Variants in CRACD observed in about 807,000 individuals in gnomAD.
CRACD encodes the protein capping protein inhibiting regulator of actin dynamics, also known as capping protein-inhibiting regulator of actin dynamics.
CRACD carries 56 observed loss-of-function variants against 106.8 expected under a neutral mutation model. That is an observed-to-expected ratio of 0.52 (90% CI 0.42 to 0.66). CRACD has a LOEUF of 0.66. CRACD is among the 30% of genes least tolerant of loss of function. CRACD has a pLI of 0.00. For missense variants in CRACD, 1,730 were observed against 1,623.2 expected, an observed-to-expected ratio of 1.07 and a Z score of -1.13; for synonymous variants, 754 against 670.8, an observed-to-expected ratio of 1.12 and a Z score of -1.92.
intron 1 of CRACD, among the ~76,000 whole-genome samples, chr4:56,134,665 C>T (rs564612759): frequency 1.3e-5 from 2 of 152,092 alleles, no homozygotes; most frequent in Non-Finnish European, 2.9e-5. Flanking sequence ...TCAGTATTTC[C>T]CTAAGAGAGT....
intron 1 of CRACD, among the ~76,000 whole-genome samples, chr4:56,078,922 G>A (rs1732931670): frequency 6.6e-6 from 1 of 152,188 alleles, no homozygotes; most frequent in Non-Finnish European, 1.5e-5. Flanking sequence ...CTACACAAAA[G>A]GGTGGCTGGG....
intron 2 of CRACD, among the ~76,000 whole-genome samples, chr4:56,233,093 A>G (rs1027754024): frequency 6.6e-6 from 1 of 150,910 alleles, no homozygotes; most frequent in Non-Finnish European, 1.5e-5. Context: ...TACTTTGTGA[A>G]ATGTTCATTT....
intron 1 of CRACD, among the ~76,000 whole-genome samples, chr4:56,096,989 G>A (rs982217605): frequency 1.3e-5 from 2 of 152,180 alleles, no homozygotes; most frequent in African/African-American, 2.4e-5. Flanking sequence ...CTTAAGTGGA[G>A]AAAGGAAATT....
intron 1 of CRACD, among the ~76,000 whole-genome samples, chr4:56,117,317 G>T (rs905892382): frequency 1.3e-5 from 2 of 152,060 alleles, no homozygotes; most frequent in African/African-American, 2.4e-5. Context: ...CTCCGTGCCC[G>T]GCCCGAATTT....
At chr4:56,326,921 G>A (rs1456876236) in intron 10 of CRACD, among the ~76,000 whole-genome samples, 1 of 151,898 alleles carries the variant, frequency 6.6e-6, no homozygotes, top group Non-Finnish European at 1.5e-5. Flanking sequence ...TGTATTTTTA[G>A]TAGAGACAGG....
chr4:56,223,287 T>G (rs1049433859), intron 2 of CRACD, among the ~76,000 whole-genome samples: 7 of 152,046 alleles, frequency 4.6e-5, no homozygotes, highest in Non-Finnish European at 1.0e-4. Context: ...GTCTGGGTTT[T>G]GCTAGTTGCA....
At chr4:56,164,002 C>T (rs1325597889) in intron 1 of CRACD, among the ~76,000 whole-genome samples, 2 of 152,198 alleles carry the variant, frequency 1.3e-5, no homozygotes, top group African/African-American at 4.8e-5. Flanking sequence ...CCACCTCAGC[C>T]TCCCAAAGTG....
chr4:56,120,315 C>G (rs1734441629), intron 1 of CRACD, among the ~76,000 whole-genome samples: 1 of 152,072 alleles, frequency 6.6e-6, no homozygotes, highest in Admixed American at 6.5e-5. Context: ...GACTCTGATC[C>G]TATATGTCTT....
chr4:56,181,310 T>A (rs1301724317), intron 2 of CRACD, among the ~76,000 whole-genome samples: 1 of 152,002 alleles, frequency 6.6e-6, no homozygotes, highest in Non-Finnish European at 1.5e-5. Flanking sequence ...GTAAAGGCCC[T>A]AAGGAGGGAA....
chr4:56,156,452 G>C (rs1361747255), intron 1 of CRACD, among the ~76,000 whole-genome samples: 1 of 152,208 alleles, frequency 6.6e-6, no homozygotes, highest in East Asian at 1.9e-4. Context: ...TCTGGGCTCA[G>C]TTTTCTTCTC....
intron 1 of CRACD, among the ~76,000 whole-genome samples, chr4:56,139,087 G>T (rs565802145): frequency 2.0e-5 from 3 of 152,252 alleles, no homozygotes; most frequent in South Asian, 4.1e-4. Flanking sequence ...AACCAGAAAA[G>T]TTATTTTTAA....
At chr4:56,173,298 T>C (rs1736454892) in intron 1 of CRACD, among the ~76,000 whole-genome samples, 1 of 152,234 alleles carries the variant, frequency 6.6e-6, no homozygotes, top group Non-Finnish European at 1.5e-5. Context: ...GCTGATTTTG[T>C]TCCTGTATTT....
At chr4:56,112,494 G>A (rs962828434) in intron 1 of CRACD, among the ~76,000 whole-genome samples, 3 of 150,438 alleles carry the variant, frequency 2.0e-5, no homozygotes, top group South Asian at 2.1e-4. Context: ...TAAAGATTTG[G>A]GATCAGCGGA....
At position 56,256,428 on chromosome 4, in the gene CRACD, T is replaced by A. The variant is rs944347483; in HGVS notation, c.-188-15893T>A. 5.3e-5 allele frequency among the ~76,000 whole-genome samples: 8 copies of A among 152,340 alleles called. No homozygotes were observed. In the South Asian group the frequency reaches 1.7e-3, roughly 32 times the overall value. ...TGTAAATTGCCCAGTCTTGTGTATGTCTTTATCAGCAACATGAAAACGAAC... is the reference window on the plus strand; with the variant it reads ...TGTAAATTGCCCAGTCTTGTGTATGACTTTATCAGCAACATGAAAACGAAC... On this transcript the variant is annotated intron_variant, in intron 2 of 10. Coordinates refer to ENST00000682029, the MANE Select transcript of CRACD (RefSeq NM_001393381.1).
intron 1 of CRACD, among the ~76,000 whole-genome samples, chr4:56,146,720 A>T (rs545837245): frequency 1.3e-5 from 2 of 152,318 alleles, no homozygotes; most frequent in East Asian, 3.9e-4. Context: ...TTATTGAGAT[A>T]GAATTTATAC....
intron 2 of CRACD, among the ~76,000 whole-genome samples, chr4:56,259,442 G>A (rs1741567956): frequency 6.6e-6 from 1 of 152,130 alleles, no homozygotes; most frequent in Admixed American, 6.6e-5. Context: ...GGGAGTGCCT[G>A]GTGAGGGGAA....
rs890874125 is a variant in CRACD at position 56,328,032 on chromosome 4, T to G, written c.*228T>G. On this transcript the variant is annotated 3_prime_UTR_variant, in exon 11 of 11. Coordinates refer to ENST00000682029, the MANE Select transcript of CRACD (RefSeq NM_001393381.1). ...GCTCCTCCTAGTTCTCAAGAGAAAATTCCGTCCACAGGACCACATGAAGCA... is the reference window on the plus strand; with the variant it reads ...GCTCCTCCTAGTTCTCAAGAGAAAAGTCCGTCCACAGGACCACATGAAGCA... 2.3e-6 allele frequency: 1 copy of G among 442,346 alleles called. No homozygotes were observed. Among genetic ancestry groups the G allele is most frequent in the Non-Finnish European group, 4.0e-6 (1 of 247,164 alleles). The allele number at this position is 442,346 out of a possible 1,614,324, so 27.4% of individuals were successfully genotyped here. A position where few individuals can be genotyped will look rare whatever the true frequency, so the allele number is the denominator to read the frequency against.
intron 1 of CRACD, among the ~76,000 whole-genome samples, chr4:56,120,017 AT>A (rs1734432736): frequency 6.6e-6 from 1 of 152,080 alleles, no homozygotes; most frequent in Admixed American, 6.6e-5. Context: ...AACCATTCTG[AT>A]TTCAGGATTT....
chr4:56,157,928 CT>C (rs1735817732), intron 1 of CRACD, among the ~76,000 whole-genome samples: 1 of 152,120 alleles, frequency 6.6e-6, no homozygotes, highest in Non-Finnish European at 1.5e-5. Flanking sequence ...ATGTATGTGT[CT>C]TTCATTTTAG....
Sources: allele counts gnomAD v4.1 joint callset (sites outside exome capture counted in the v4.1 genomes callset), GRCh38; gene constraint gnomAD v4.1.1; transcripts MANE v1.5; gene names NCBI Gene and HGNC (gene_info 2026-07-23, HGNC 2026-07-21).